Variants in DNAAF4 observed in about 807,000 individuals in gnomAD.
The protein encoded by DNAAF4 is dynein assembly factor 4, axonemal.
DNAAF4 carries 43 observed loss-of-function variants against 51.8 expected under a neutral mutation model. That is an observed-to-expected ratio of 0.83 (90% CI 0.65 to 1.07). DNAAF4 has a LOEUF of 1.07. Among genes scored for constraint, DNAAF4 ranks in the 50% least tolerant of loss-of-function variants. The pLI is 0.00. For missense variants in DNAAF4, 581 were observed against 493.0 expected, an observed-to-expected ratio of 1.18 and a Z score of -1.69; for synonymous variants, 194 against 165.6, an observed-to-expected ratio of 1.17 and a Z score of -1.32.
intron 5 of DNAAF4, among the ~76,000 whole-genome samples, chr15:55,465,415 CACACACAG>C: frequency 6.6e-6 from 1 of 151,710 alleles, no homozygotes; most frequent in Non-Finnish European, 1.5e-5. Flanking sequence ...CACACACACA[CACACACAG>C]ACACACATAC....
rs746060028 is a variant in DNAAF4, at chr15:55,450,245, A to G, written c.760T>C (p.Ser254Pro). 6.2e-7 allele frequency: 1 copy of G among 1,612,544 alleles called. No homozygotes were observed. Among genetic ancestry groups the G allele is most frequent in the South Asian group, 1.1e-5 (1 of 90,446 alleles). Reference sequence around the variant, plus strand: ...ACCTCCTCCTCTTCTGCTACTTGTGATTCACGAAGAGCTGTTGGGAATACT... The same window carrying G: ...ACCTCCTCCTCTTCTGCTACTTGTGGTTCACGAAGAGCTGTTGGGAATACT... ...PRVFPTALRE[S>P]QVAEEEEWLH... The change falls in exon 6 of 10, where the codon TCA becomes CCA. Residue 254 changes from serine to proline, a missense_variant. Transcript: ENST00000321149.
intron 4 of DNAAF4, among the ~76,000 whole-genome samples, chr15:55,471,667 C>T (rs2439047): frequency 0.45 from 67,586 of 151,264 alleles, 16,557 homozygotes; most frequent in East Asian, 0.74. Context: ...GCACCCACTA[C>T]CACGCCCGGC....
At chr15:55,433,396 G>A (rs1950809703) in intron 8 of DNAAF4, among the ~76,000 whole-genome samples, 1 of 152,118 alleles carries the variant, frequency 6.6e-6, no homozygotes, top group Non-Finnish European at 1.5e-5. Flanking sequence ...GGAGGCCCAG[G>A]CGGGCGGATT....
rs372477096 is a variant in DNAAF4 at position 55,473,369 on chromosome 15, G to GTATATATATA, written c.406-6218_406-6209dup. The stretch of plus-strand genomic sequence containing the variant: ...TATGTGTGTATATATATGTGTGTGT[G>GTATATATATA]TATATATATATATATGCAAACTTAA... On this transcript the variant is annotated intron_variant, in intron 4 of 9. Coordinates refer to ENST00000321149, the MANE Select transcript of DNAAF4 (RefSeq NM_130810.4). 3.6e-3 allele frequency among the ~76,000 whole-genome samples: 476 copies of GTATATATATA among 130,900 alleles called. 8 individuals are homozygous for GTATATATATA. Among genetic ancestry groups the GTATATATATA allele is most frequent in the South Asian group, 6.6e-3 (27 of 4,070 alleles). 85.9% of individuals were successfully genotyped at this position (130,900 alleles called of 152,430 possible).
Position 55,497,920 on chromosome 15 carries a change from G to A in DNAAF4, c.124-61C>T, listed in dbSNP as rs576862642. On this transcript the variant is annotated intron_variant, in intron 2 of 9. Coordinates refer to ENST00000321149, the MANE Select transcript of DNAAF4 (RefSeq NM_130810.4). ...TACACAAATTAAGCACGCGTATTAA[G>A]AAACACGTGAAAAAGGTAAAATAAC... 3 of 1,543,302 alleles carry A rather than the reference G, an allele frequency of 1.9e-6. No individual in the cohort carries two copies. The East Asian group carries it at 6.8e-5, about 35-fold the overall frequency.
Position 55,430,503 on chromosome 15 carries a change from A to G in DNAAF4, c.*167T>C, listed in dbSNP as rs933264517. On this transcript the variant is annotated 3_prime_UTR_variant, in exon 10 of 10. Coordinates refer to ENST00000321149, the MANE Select transcript of DNAAF4 (RefSeq NM_130810.4). ...ATTTAGATTTACTTATTCAGAAATG[A>G]TTCAAGTCAAACAGTTTATTTTCTA... 2.5e-6 allele frequency: 3 copies of G among 1,203,258 alleles called. No individual in the cohort carries two copies. The highest frequency in any genetic ancestry group is 3.1e-6 in the Non-Finnish European group (3 of 954,584). 74.5% of individuals were successfully genotyped at this position (1,203,258 alleles called of 1,614,324 possible). A position where few individuals can be genotyped will look rare whatever the true frequency, so the allele number is the denominator to read the frequency against.
intron 6 of DNAAF4, chr15:55,443,131 C>T (rs113946318): frequency 8.1e-6 from 13 of 1,610,510 alleles, no homozygotes; most frequent in Non-Finnish European, 8.5e-6. Flanking sequence ...TGAAGGCAAA[C>T]GTTTCCAGGA....
At chr15:55,495,088 G>C (rs1395890992) in intron 3 of DNAAF4, 4 of 151,572 alleles carry the variant, frequency 2.6e-5, no homozygotes, top group African/African-American at 9.7e-5. Context: ...AAAACAGACT[G>C]GGTGTGTTAT....
rs149742996 is a variant in DNAAF4, at chr15:55,433,579, T to C, written c.1048-977A>G. On this transcript the variant is annotated intron_variant, in intron 8 of 9. Transcript: ENST00000321149. ...AGGCGGAGCTTGCAGTGAGCCGAAA[T>C]TGTGCCCCTGTACTCCAGCCTGGGC... Among the ~76,000 whole-genome samples, 1,114 of 144,842 alleles carry C rather than the reference T, an allele frequency of 7.7e-3. 13 individuals carry two copies. The highest frequency in any genetic ancestry group is 0.027 in the African/African-American group (1,049 of 38,474).
At chr15:55,475,965 A>G (rs1212064730) in intron 4 of DNAAF4, among the ~76,000 whole-genome samples, 6 of 152,194 alleles carry the variant, frequency 3.9e-5, no homozygotes, top group Non-Finnish European at 7.3e-5. Context: ...TGACCCTATC[A>G]CCTTTTAAGG....
chr15:55,433,939 A>ATATAATATTATAACATATATTT (rs369357154), intron 8 of DNAAF4, among the ~76,000 whole-genome samples: 1 of 5,510 alleles, frequency 1.8e-4, no homozygotes, highest in Non-Finnish European at 2.8e-4. Flanking sequence ...TATATAAAAT[A>ATATAATATTATAACATATATTT]TATATAATAT....
intron 4 of DNAAF4, among the ~76,000 whole-genome samples, chr15:55,471,670 C>T (rs946760860): frequency 2.6e-5 from 4 of 151,054 alleles, no homozygotes; most frequent in East Asian, 2.0e-4. Context: ...CCCACTACCA[C>T]GCCCGGCTAA....
intron 3 of DNAAF4, chr15:55,495,147 G>A (rs963949853): frequency 7.5e-6 from 1 of 133,458 alleles, no homozygotes; most frequent in Non-Finnish European, 1.5e-5. Flanking sequence ...GAGGAAGTAA[G>A]AGGTCAAAAA....
In DNAAF4 at chr15:55,430,699, C is replaced by A; in HGVS notation, c.1234G>T (p.Val412Leu). 6.2e-7 allele frequency: 1 copy of A among 1,613,108 alleles called. No individual in the cohort carries two copies. The highest frequency in any genetic ancestry group is 8.5e-7 in the Non-Finnish European group (1 of 1,179,490). ...VQIDAEKIRN[V>L]IQGTELKS ...GATTTTAGTTCTGTTCCTTGAATTA[C>A]ATTCCGAATCTTCTCAGCATCAATT... The change falls in exon 10 of 10, where the codon GTA (valine) becomes TTA (leucine). Residue 412 changes from valine to leucine, a missense_variant. Coordinates refer to ENST00000321149, the MANE Select transcript of DNAAF4 (RefSeq NM_130810.4).
chr15:55,480,247 T>G (rs2058390739), intron 4 of DNAAF4, among the ~76,000 whole-genome samples: 1 of 152,056 alleles, frequency 6.6e-6, no homozygotes, highest in African/African-American at 2.4e-5. Context: ...AAAATTCCTC[T>G]CTTTATACTG....
At chr15:55,418,709 A>C (rs897991274) in intron 7 of DNAAF4, 5 of 620,922 alleles carry the variant, frequency 8.1e-6, no homozygotes, top group African/African-American at 1.8e-5. Flanking sequence ...ATTTCAACTG[A>C]TAACTACATG....
chr15:55,457,554 G>C (rs2058038401), intron 5 of DNAAF4, among the ~76,000 whole-genome samples: 1 of 152,086 alleles, frequency 6.6e-6, no homozygotes, highest in Admixed American at 6.6e-5. Context: ...CTTCTATACT[G>C]CAGCTGGTGC....
At chr15:55,453,969 G>T (rs2057978189) in intron 5 of DNAAF4, among the ~76,000 whole-genome samples, 1 of 151,996 alleles carries the variant, frequency 6.6e-6, no homozygotes, top group African/African-American at 2.4e-5. Context: ...TAGATCTGAG[G>T]ATATTATACA....
intron 5 of DNAAF4, among the ~76,000 whole-genome samples, chr15:55,462,831 A>T (rs2058112497): frequency 6.6e-6 from 1 of 152,100 alleles, no homozygotes; most frequent in Non-Finnish European, 1.5e-5. Flanking sequence ...CACCACATAA[A>T]CAGAAGTCAA....
Sources: gnomAD v4.1 joint callset for allele counts (sites outside exome capture counted in the v4.1 genomes callset) on GRCh38, gnomAD v4.1.1 for gene constraint, MANE v1.5 for transcripts, NCBI Gene and HGNC (gene_info 2026-07-23, HGNC 2026-07-21) for gene names.